AKAP6: variants seen among roughly 807,000 people sequenced by gnomAD.
The protein encoded by AKAP6 is A-kinase anchor protein 6.
AKAP6 carries 58 observed loss-of-function variants against 188.5 expected under a neutral mutation model. The ratio of observed to expected loss-of-function variants is 0.31; its 90% CI spans 0.25 to 0.38. AKAP6 has a LOEUF of 0.38. AKAP6 is among the 10% of genes least tolerant of loss of function. AKAP6 has a pLI of 1.00. For missense variants in AKAP6, 2,710 were observed against 2,740.0 expected, an observed-to-expected ratio of 0.99 and a Z score of 0.24; for synonymous variants, 989 against 998.6, an observed-to-expected ratio of 0.99 and a Z score of 0.18.
At chr14:32,517,707 T>C (rs1881595084) in intron 2 of AKAP6, among the ~76,000 whole-genome samples, 2 of 152,214 alleles carry the variant, frequency 1.3e-5, no homozygotes, top group African/African-American at 4.8e-5. Context: ...AAGCTCGAAC[T>C]GGGTGGAGCC....
chr14:32,645,536 C>T (rs1277234184), intron 7 of AKAP6, among the ~76,000 whole-genome samples: 1 of 152,176 alleles, frequency 6.6e-6, no homozygotes, highest in South Asian at 2.1e-4. Flanking sequence ...CCTTCCTCAG[C>T]CTGCTGAGTA....
intron 9 of AKAP6, among the ~76,000 whole-genome samples, chr14:32,699,968 T>C (rs933252546): frequency 5.3e-5 from 8 of 152,216 alleles, no homozygotes; most frequent in African/African-American, 1.9e-4. Context: ...GCATTAACTA[T>C]TAATGGAGAA....
rs1207319546 is a variant in AKAP6, at chr14:32,459,590, G to GA, written c.324+25781dup. On this transcript the variant is annotated intron_variant, in intron 2 of 13. Transcript: ENST00000280979. ...TCTTATTGGAAAGGCATACATATAA[G>GA]AAAAAAAATCTACCTAGAAAAGTAA... 6.5e-5 allele frequency among the ~76,000 whole-genome samples: 6 copies of GA among 91,926 alleles called. No homozygotes were observed. In the South Asian group the frequency reaches 8.9e-4, roughly 14 times the overall value. The allele number at this position is 91,926 out of a possible 152,430, so 60.3% of individuals were successfully genotyped here. A position where few individuals can be genotyped will look rare whatever the true frequency, so the allele number is the denominator to read the frequency against.
intron 3 of AKAP6, among the ~76,000 whole-genome samples, chr14:32,536,120 AG>A (rs1882666311): frequency 6.6e-6 from 1 of 152,242 alleles, no homozygotes; most frequent in African/African-American, 2.4e-5. Flanking sequence ...CTCAGTGCTA[AG>A]AATATAATAA....
chr14:32,488,083 T>G (rs1406137969), intron 2 of AKAP6, among the ~76,000 whole-genome samples: 1 of 152,192 alleles, frequency 6.6e-6, no homozygotes, highest in African/African-American at 2.4e-5. Context: ...GGTCTCTTCA[T>G]AGCTGGCAGG....
At chr14:32,553,986 T>C (rs575511705) in intron 4 of AKAP6, among the ~76,000 whole-genome samples, 1 of 152,214 alleles carries the variant, frequency 6.6e-6, no homozygotes, top group South Asian at 2.1e-4. Flanking sequence ...ATTCAAGAAA[T>C]AGAATAAAAG....
At chr14:32,752,503 A>T (rs1299026538) in intron 11 of AKAP6, among the ~76,000 whole-genome samples, 1 of 152,208 alleles carries the variant, frequency 6.6e-6, no homozygotes, top group African/African-American at 2.4e-5. Context: ...TTAAGGTATA[A>T]CAGACAAATA....
intron 7 of AKAP6, among the ~76,000 whole-genome samples, chr14:32,608,933 A>G (rs1375051023): frequency 5.0e-5 from 7 of 140,784 alleles, no homozygotes; most frequent in African/African-American, 1.8e-4. Flanking sequence ...AAGGCAAAAT[A>G]CAGAATTGCT....
At chr14:32,452,360 T>TTTA (rs1890971105) in intron 2 of AKAP6, among the ~76,000 whole-genome samples, 2 of 152,224 alleles carry the variant, frequency 1.3e-5, no homozygotes, top group Non-Finnish European at 2.9e-5. Flanking sequence ...ACGCTGCATA[T>TTTA]TAATCCACTG....
chr14:32,508,629 T>A (rs887555099), intron 2 of AKAP6, among the ~76,000 whole-genome samples: 3 of 152,190 alleles, frequency 2.0e-5, no homozygotes, highest in Non-Finnish European at 2.9e-5. Context: ...ATGTTGAACA[T>A]TCATAAAATG....
intron 1 of AKAP6, among the ~76,000 whole-genome samples, chr14:32,380,986 T>C (rs963112638): frequency 6.6e-6 from 1 of 152,136 alleles, no homozygotes; most frequent in South Asian, 2.1e-4. Context: ...GGAAGAAACA[T>C]GCCCTCAGAG....
At chr14:32,346,766 C>T (rs1173218317) in intron 1 of AKAP6, among the ~76,000 whole-genome samples, 2 of 152,214 alleles carry the variant, frequency 1.3e-5, no homozygotes, top group Non-Finnish European at 2.9e-5. Context: ...CCTCGGCCTC[C>T]CAAAGTGCTG....
At chr14:32,732,046 A>G (rs912336506) in intron 9 of AKAP6, among the ~76,000 whole-genome samples, 14 of 152,062 alleles carry the variant, frequency 9.2e-5, no homozygotes, top group South Asian at 2.1e-4. Flanking sequence ...CATAATCTTT[A>G]TGAATAATTT....
At chr14:32,556,054 C>T (rs2139190161) in intron 4 of AKAP6, among the ~76,000 whole-genome samples, 1 of 151,862 alleles carries the variant, frequency 6.6e-6, no homozygotes. Flanking sequence ...CACCATTTTA[C>T]AATCCCACCA....
chr14:32,361,071 T>TATATATATATATATATATATATATA (rs1213844124), intron 1 of AKAP6, among the ~76,000 whole-genome samples: 33 of 149,104 alleles, frequency 2.2e-4, no homozygotes, highest in East Asian at 6.3e-4. Flanking sequence ...TATATATATA[T>TATATATATATATATATATATATATA]TTGAGAAGCT....
At chr14:32,575,687 A>G (rs1884685661) in intron 4 of AKAP6, among the ~76,000 whole-genome samples, 1 of 152,168 alleles carries the variant, frequency 6.6e-6, no homozygotes, top group Admixed American at 6.6e-5. Flanking sequence ...TGTGATATGT[A>G]TCCCTGGGTG....
chr14:32,341,254 C>T (rs1363776900), intron 1 of AKAP6, among the ~76,000 whole-genome samples: 1 of 151,964 alleles, frequency 6.6e-6, no homozygotes, highest in African/African-American at 2.4e-5. Context: ...TATTTGGTTC[C>T]CCTCTACCCT....
At chr14:32,352,119 G>GTA (rs1288183594) in intron 1 of AKAP6, among the ~76,000 whole-genome samples, 1 of 150,516 alleles carries the variant, frequency 6.6e-6, no homozygotes, top group Non-Finnish European at 1.5e-5. Flanking sequence ...GTGTGTGTGT[G>GTA]TGTGTGTGTG....
intron 2 of AKAP6, among the ~76,000 whole-genome samples, chr14:32,512,931 A>G (rs1177745709): frequency 6.6e-6 from 1 of 152,244 alleles, no homozygotes; most frequent in Non-Finnish European, 1.5e-5. Flanking sequence ...TAAACTAATT[A>G]GCAAAAATTA....
Sources: allele counts gnomAD v4.1 joint callset (sites outside exome capture counted in the v4.1 genomes callset), GRCh38; gene constraint gnomAD v4.1.1; transcripts MANE v1.5; gene names NCBI Gene and HGNC (gene_info 2026-07-23, HGNC 2026-07-21).